Variants in ADAMTS7 observed in about 807,000 individuals in gnomAD.
ADAMTS7 encodes A disintegrin and metalloproteinase with thrombospondin motifs 7.
A neutral mutation model predicts 172.6 loss-of-function variants in ADAMTS7; 89 were observed. That is an observed-to-expected ratio of 0.52 (90% CI 0.43 to 0.61). ADAMTS7 has a LOEUF of 0.61. ADAMTS7 is among the 20% of genes least tolerant of loss of function. ADAMTS7 has a pLI of 0.00. For missense variants in ADAMTS7, 1,973 were observed against 2,355.6 expected, an observed-to-expected ratio of 0.84 and a Z score of 3.36; for synonymous variants, 885 against 978.4, an observed-to-expected ratio of 0.90 and a Z score of 1.78.
intron 4 of ADAMTS7, among the ~76,000 whole-genome samples, chr15:78,794,689 C>A (rs146340982): frequency 2.7e-4 from 41 of 152,318 alleles, no homozygotes; most frequent in Non-Finnish European, 4.7e-4. Flanking sequence ...TATGGGGTAC[C>A]TGTTGGGTTG....
chr15:78,792,731 G>T (rs890520858), intron 4 of ADAMTS7, among the ~76,000 whole-genome samples: 2 of 152,114 alleles, frequency 1.3e-5, no homozygotes, highest in African/African-American at 2.4e-5. Flanking sequence ...GAGAATCACT[G>T]GAACCCGGGA....
intron 4 of ADAMTS7, among the ~76,000 whole-genome samples, chr15:78,792,682 G>A (rs1567233531): frequency 6.6e-6 from 1 of 152,152 alleles, no homozygotes; most frequent in African/African-American, 2.4e-5. Flanking sequence ...GCATAGTGGT[G>A]CATGCCTGTA....
chr15:78,796,537 C>A (rs1458018940), intron 4 of ADAMTS7, 53 bp downstream of exon 4: 1 of 1,561,452 alleles, frequency 6.4e-7, no homozygotes, highest in East Asian at 2.3e-5. Context: ...ACTCTTTGCA[C>A]CCCACCCCCC....
intron 3 of ADAMTS7, among the ~76,000 whole-genome samples, chr15:78,797,272 C>T (rs1353402351): frequency 6.6e-6 from 1 of 152,260 alleles, no homozygotes; most frequent in Admixed American, 6.5e-5. Flanking sequence ...CTGACCCAGG[C>T]TGCTCCAGAT....
At chr15:78,811,018 G>A (rs1417152589) in intron 1 of ADAMTS7, 103 bp downstream of exon 1, 2 of 1,159,268 alleles carry the variant, frequency 1.7e-6, no homozygotes, top group Non-Finnish European at 2.2e-6. Flanking sequence ...CAGGCACAGC[G>A]GAGCCGGCGC....
In ADAMTS7 at chr15:78,798,026, CAT is replaced by C. The variant is rs754600913; in HGVS notation, c.542_543del (p.His181ArgfsTer16). 6.3e-7 allele frequency: 1 copy of C among 1,576,194 alleles called. No individual in the cohort carries two copies. On this transcript the variant is annotated frameshift_variant, in exon 3 of 24. Transcript: ENST00000388820. LOFTEE classifies it high-confidence loss of function. ...APARPGHAQP[H>X]VVYKRQAPER... is the part of the protein sequence containing the mutation. ...TCCGGGGCCTGACGCTTGTACACCA[CAT>C]GGGGCTGGGCGTGGCCAGGCCGGGC...
In ADAMTS7 at chr15:78,765,679, C is replaced by G. The variant is rs1302533144; in HGVS notation, c.4232G>C (p.Arg1411Thr). 2.5e-6 allele frequency: 4 copies of G among 1,610,602 alleles called. No individual in the cohort carries two copies. The change falls in exon 19 of 24, where the codon AGG (arginine) becomes ACG (threonine). Residue 1411 changes from arginine (R) to threonine (T), a missense_variant. By Grantham distance (71) the Arg-to-Thr change is moderately conservative (BLOSUM62 -1). This residue lies in a region of ADAMTS7 where 771 missense variants were observed against 952.6 expected (regional missense o/e 0.81). Coordinates refer to ENST00000388820, the MANE Select transcript of ADAMTS7 (RefSeq NM_014272.5). The stretch of plus-strand genomic sequence containing the variant: ...GTTTCCCGCTTGCCAGCCGGCGTTC[C>G]TGACAACCAACGGGTCCGCGGGGGG... ...AGPPADPLVV[R>T]NAGWQAGNWS...
At chr15:78,769,916 C>T (rs1237605727) in intron 16 of ADAMTS7, among the ~76,000 whole-genome samples, 1 of 152,240 alleles carries the variant, frequency 6.6e-6, no homozygotes, top group African/African-American at 2.4e-5. Context: ...AATCCCAGCA[C>T]TATGGGAAGC....
intron 2 of ADAMTS7, 90 bp from the exon 3 acceptor site, chr15:78,798,203 C>A: frequency 5.4e-6 from 7 of 1,285,614 alleles, no homozygotes; most frequent in Non-Finnish European, 6.3e-6. Context: ...CTCAGCTGAG[C>A]CCCCACTGCC....
rs571250884 is a variant in ADAMTS7 at position 78,759,771 on chromosome 15, A to G, written c.4904-193T>C. On this transcript the variant is annotated intron_variant, in intron 23 of 23. Coordinates refer to ENST00000388820, the MANE Select transcript of ADAMTS7 (RefSeq NM_014272.5). The stretch of plus-strand genomic sequence containing the variant: ...GTCTCTGTCCCACCTACTCATGGCC[A>G]ACCCCAGGACTCGAGAACGGGTGCT... Among the ~76,000 whole-genome samples, 1,389 of 152,202 alleles carry G rather than the reference A, an allele frequency of 9.1e-3. 12 individuals are homozygous for G. The highest frequency in any genetic ancestry group is 0.023 in the African/African-American group (941 of 41,508).
At position 78,762,652 on chromosome 15, in the gene ADAMTS7, C is replaced by T. The variant is rs1442439207; in HGVS notation, c.4741-87G>A. 1.9e-5 allele frequency: 21 copies of T among 1,109,262 alleles called. No individual in the cohort carries two copies. The African/African-American group carries it at 2.6e-4, about 13-fold the overall frequency. 68.7% of individuals were successfully genotyped at this position (1,109,262 alleles called of 1,614,324 possible). On this transcript the variant is annotated intron_variant, in intron 22 of 23. Transcript: ENST00000388820. ...CACCTCCTCTGGGAAGCCGTCCCTG[C>T]GCCCTGTGCCTGACTGGCCTGGCCT...
intron 4 of ADAMTS7, among the ~76,000 whole-genome samples, chr15:78,792,622 C>T (rs991415964): frequency 1.3e-5 from 2 of 152,204 alleles, no homozygotes. Flanking sequence ...CGAGACCAGC[C>T]TGGCCAAATG....
rs1285580655 is a variant in ADAMTS7 at position 78,765,672 on chromosome 15, G to A, written c.4239C>T (p.Ala1413=). ...CGCTCCAGTTTCCCGCTTGCCAGCC[G>A]GCGTTCCTGACAACCAACGGGTCCG... ...PPADPLVVRN[A]GWQAGNWSEC... The change falls in exon 19 of 24, where the codon GCC becomes GCT. Residue 1413 remains alanine (A), a synonymous_variant. Coordinates refer to ENST00000388820, the MANE Select transcript of ADAMTS7 (RefSeq NM_014272.5). 5 of 1,610,212 alleles carry A rather than the reference G, an allele frequency of 3.1e-6. No homozygotes were observed. Among genetic ancestry groups the A allele is most frequent in the African/African-American group, 1.3e-5 (1 of 74,824 alleles).
chr15:78,762,721 C>A (rs1184826963), intron 22 of ADAMTS7, among the ~76,000 whole-genome samples, 156 bp from the exon 23 acceptor site: 1 of 152,366 alleles, frequency 6.6e-6, no homozygotes, highest in East Asian at 1.9e-4. Flanking sequence ...CACCTGGTCC[C>A]ATTCCTAGAG....
intron 8 of ADAMTS7, among the ~76,000 whole-genome samples, chr15:78,777,829 T>C (rs28722937): frequency 0.17 from 25,209 of 151,918 alleles, 3,315 homozygotes; most frequent in East Asian, 0.39. Flanking sequence ...CCAACCCCAA[T>C]CCCAGGCCTC....
intron 12 of ADAMTS7, 24 bp from the exon 13 acceptor site, chr15:78,774,324 A>G (rs1304049459): frequency 6.5e-7 from 1 of 1,545,772 alleles, no homozygotes; most frequent in Non-Finnish European, 8.7e-7. Flanking sequence ...TAGAAGAGTC[A>G]TCAGCAACAG....
chr15:78,803,920 TGA>T (rs2141526690), intron 1 of ADAMTS7, among the ~76,000 whole-genome samples: 1 of 152,384 alleles, frequency 6.6e-6, no homozygotes, highest in East Asian at 1.9e-4. Context: ...TAAATTTCGT[TGA>T]GAGATTACAA....
chr15:78,811,154 C>A lies in ADAMTS7; in HGVS notation c.67G>T (p.Ala23Ser), dbSNP rs2055861057. 19 of 1,230,156 alleles carry A rather than the reference C, an allele frequency of 1.5e-5. No individual in the cohort carries two copies. The highest frequency in any genetic ancestry group is 1.8e-5 in the Non-Finnish European group (18 of 986,892). The allele number at this position is 1,230,156 out of a possible 1,614,324, so 76.2% of individuals were successfully genotyped here. A position where few individuals can be genotyped will look rare whatever the true frequency, so the allele number is the denominator to read the frequency against. The change falls in exon 1 of 24, where the codon GCT becomes TCT. Residue 23 changes from alanine (A) to serine (S), a missense_variant. Physicochemically the swap from Ala to Ser is moderately conservative, Grantham distance 99 (BLOSUM62 1). Around this residue, in one of 8 missense-constraint regions of ADAMTS7, gnomAD observed 306 missense variants for 288.0 expected, o/e 1.06. Coordinates refer to ENST00000388820, the MANE Select transcript of ADAMTS7 (RefSeq NM_014272.5). ...LLRPLLLLLCALAPGAPGPAP... is the reference protein window; with the variant it reads ...LLRPLLLLLCSLAPGAPGPAP... ...GGTCCGGGGGCGCCGGGAGCCAGAG[C>A]GCAGAGGAGCAGGAGGAGGGGGCGC...
chr15:78,783,553 C>T lies in ADAMTS7; in HGVS notation c.1322+4678G>A, dbSNP rs181048324. Among the ~76,000 whole-genome samples, 485 of 151,772 alleles carry T rather than the reference C, an allele frequency of 3.2e-3. 4 individuals carry two copies. Among genetic ancestry groups the T allele is most frequent in the African/African-American group, 0.011 (463 of 41,398 alleles). ...TTAGCCTCCCAAAGTGCTGGGATTA[C>T]AGGCGTGAGCCACCACGCCTGGCCA... On this transcript the variant is annotated intron_variant, in intron 8 of 23. Coordinates refer to ENST00000388820, the MANE Select transcript of ADAMTS7 (RefSeq NM_014272.5).
Sources: allele counts gnomAD v4.1 joint callset (sites outside exome capture counted in the v4.1 genomes callset), GRCh38; gene constraint gnomAD v4.1.1; regional missense constraint gnomAD v4.1.1; transcripts MANE v1.5; gene names NCBI Gene and HGNC (gene_info 2026-07-23, HGNC 2026-07-21).